Variants in SORCS3 observed in about 807,000 individuals in gnomAD.
The protein encoded by SORCS3 is sortilin related VPS10 domain containing receptor 3, also known as VPS10 domain-containing receptor SorCS3.
SORCS3 carries 57 observed loss-of-function variants against 146.3 expected under a neutral mutation model. The ratio of observed to expected loss-of-function variants is 0.39; its 90% CI spans 0.31 to 0.49. The LOEUF (loss-of-function observed/expected upper bound fraction) is 0.49, where lower values mean the gene tolerates loss of function less well. Ranked by LOEUF, SORCS3 falls within the 20% of genes least tolerant of loss-of-function variation. The pLI, the probability that SORCS3 is intolerant of heterozygous loss-of-function variation, is 0.92. For synonymous variants in SORCS3, 653 were observed against 618.5 expected, an observed-to-expected ratio of 1.06 and a Z score of -0.83; for missense variants, 1,341 against 1,575.5, an observed-to-expected ratio of 0.85 and a Z score of 2.52.
chr10:104,873,349 G>T (rs2018538725), intron 2 of SORCS3, among the ~76,000 whole-genome samples: 1 of 152,166 alleles, frequency 6.6e-6, no homozygotes, highest in Admixed American at 6.5e-5. Context: ...GGGCTTGACA[G>T]CTTCCACTTA....
At chr10:105,253,975 TAC>T (rs1439273612) in intron 23 of SORCS3, among the ~76,000 whole-genome samples, 1 of 152,234 alleles carries the variant, frequency 6.6e-6, no homozygotes, top group African/African-American at 2.4e-5. Flanking sequence ...AATAGGTAAT[TAC>T]AGTGATGAAT....
intron 7 of SORCS3, among the ~76,000 whole-genome samples, chr10:105,112,578 G>T (rs1465794405): frequency 6.6e-6 from 1 of 152,112 alleles, no homozygotes; most frequent in Non-Finnish European, 1.5e-5. Context: ...AGAGGAGGTG[G>T]TTTTCTACCT....
chr10:105,220,136 C>A (rs1313650347), intron 19 of SORCS3, among the ~76,000 whole-genome samples: 1 of 152,158 alleles, frequency 6.6e-6, no homozygotes, highest in Non-Finnish European at 1.5e-5. Context: ...TTTCTCTGTT[C>A]CTTCCTGAAT....
chr10:104,896,820 T>C (rs1208652155), intron 2 of SORCS3, among the ~76,000 whole-genome samples: 3 of 152,248 alleles, frequency 2.0e-5, no homozygotes, highest in Admixed American at 2.0e-4. Context: ...ATATTGTCTA[T>C]AGCTGCTTTT....
At chr10:105,129,689 A>ACACACG (rs2056004114) in intron 7 of SORCS3, among the ~76,000 whole-genome samples, 1 of 151,598 alleles carries the variant, frequency 6.6e-6, no homozygotes, top group Non-Finnish European at 1.5e-5. Flanking sequence ...ACACACACAC[A>ACACACG]AATAGGAAAG....
intron 7 of SORCS3, 68 bp downstream of exon 7, chr10:105,105,583 G>C: frequency 9.0e-7 from 1 of 1,107,002 alleles, no homozygotes; most frequent in Non-Finnish European, 1.4e-6. Flanking sequence ...GCTAGGAAAA[G>C]GAGGGTGGCT....
intron 3 of SORCS3, among the ~76,000 whole-genome samples, chr10:104,938,056 G>A (rs1390316384): frequency 6.6e-6 from 1 of 152,062 alleles, no homozygotes; most frequent in Non-Finnish European, 1.5e-5. Context: ...ATGTGTTTTC[G>A]GCACTTCCAG....
intron 7 of SORCS3, among the ~76,000 whole-genome samples, chr10:105,114,616 C>G (rs1390228502): frequency 1.3e-5 from 2 of 152,070 alleles, no homozygotes; most frequent in Non-Finnish European, 2.9e-5. Context: ...CTGATTCAGG[C>G]CAGGAGAAGA....
At chr10:105,122,206 T>C (rs1236707091) in intron 7 of SORCS3, among the ~76,000 whole-genome samples, 1 of 152,212 alleles carries the variant, frequency 6.6e-6, no homozygotes, top group African/African-American at 2.4e-5. Flanking sequence ...CCATTACCGC[T>C]CTAATTAGAG....
At chr10:105,095,231 C>G (rs1403704856) in intron 6 of SORCS3, among the ~76,000 whole-genome samples, 1 of 152,134 alleles carries the variant, frequency 6.6e-6, no homozygotes, top group East Asian at 1.9e-4. Flanking sequence ...TGCTCTGTTT[C>G]CCTGGTCCCC....
chr10:105,002,208 G>A (rs545104610), intron 4 of SORCS3, among the ~76,000 whole-genome samples: 78 of 152,272 alleles, frequency 5.1e-4, no homozygotes, highest in African/African-American at 1.8e-3. Context: ...GTCGCAGGCT[G>A]GAGAATGGGT....
intron 2 of SORCS3, among the ~76,000 whole-genome samples, chr10:104,903,141 G>A (rs1307063936): frequency 2.6e-5 from 4 of 152,184 alleles, no homozygotes; most frequent in South Asian, 4.1e-4. Flanking sequence ...TAACGTCTCC[G>A]AGTCTGTTTC....
chr10:104,787,531 G>A (rs1397187163), intron 1 of SORCS3, among the ~76,000 whole-genome samples: 1 of 152,064 alleles, frequency 6.6e-6, no homozygotes. Flanking sequence ...TGGTCTGTTA[G>A]TTTGTGCTGG....
At chr10:104,953,663 G>C (rs1202152215) in intron 3 of SORCS3, among the ~76,000 whole-genome samples, 1 of 152,214 alleles carries the variant, frequency 6.6e-6, no homozygotes, top group Non-Finnish European at 1.5e-5. Context: ...TGTTGGGATA[G>C]TTGAGAAAGA....
At chr10:105,104,843 G>A (rs761492317) in intron 6 of SORCS3, among the ~76,000 whole-genome samples, 9 of 152,154 alleles carry the variant, frequency 5.9e-5, no homozygotes, top group African/African-American at 1.4e-4. Flanking sequence ...TGAAGCATAC[G>A]TATCCACCGA....
chr10:105,060,349 T>G (rs75638929), intron 5 of SORCS3, among the ~76,000 whole-genome samples: 8,947 of 152,070 alleles, frequency 0.059, 278 homozygotes, highest in Middle Eastern at 0.088. Context: ...GAGAGAGAGA[T>G]TGGCCGATAA....
chr10:104,875,058 T>G (rs1020269996), intron 2 of SORCS3, among the ~76,000 whole-genome samples: 44 of 152,142 alleles, frequency 2.9e-4, no homozygotes, highest in Non-Finnish European at 4.4e-5. Context: ...GTCTTCCATT[T>G]TCTCAACTCT....
At chr10:104,968,673 A>G (rs1056875157) in intron 3 of SORCS3, among the ~76,000 whole-genome samples, 28 of 152,242 alleles carry the variant, frequency 1.8e-4, no homozygotes, top group Non-Finnish European at 1.0e-4. Context: ...CCAAAATCAC[A>G]TAAATGCAGA....
In SORCS3 at chr10:104,755,823, C is replaced by T. The variant is rs185319535; in HGVS notation, c.628-86969C>T. On this transcript the variant is annotated intron_variant, in intron 1 of 26. Coordinates refer to ENST00000369701, the MANE Select transcript of SORCS3 (RefSeq NM_014978.3). ...TTGCCTTTCCTCATCACAGTTATCA[C>T]ACAGAATCATAATGATCAATGTTCC... Among the ~76,000 whole-genome samples, 38 of 152,304 alleles carry T rather than the reference C, an allele frequency of 2.5e-4. No individual in the cohort carries two copies. In the East Asian group the frequency reaches 6.8e-3, roughly 27 times the overall value.
Sources: gnomAD v4.1 joint callset for allele counts (sites outside exome capture counted in the v4.1 genomes callset) on GRCh38, gnomAD v4.1.1 for gene constraint, MANE v1.5 for transcripts, NCBI Gene and HGNC (gene_info 2026-07-23, HGNC 2026-07-21) for gene names.